The following REPS2 variants were observed in gnomAD, a reference collection of about 807,000 sequenced individuals.
REPS2 encodes ralBP1-associated Eps domain-containing protein 2.
REPS2 carries 23 observed loss-of-function variants against 53.6 expected under a neutral mutation model. That is an observed-to-expected ratio of 0.43 (90% confidence interval 0.31 to 0.61). The LOEUF (loss-of-function observed/expected upper bound fraction) is 0.61. Ranked by LOEUF, REPS2 falls within the 20% of genes least tolerant of loss-of-function variation. The probability of loss-of-function intolerance (pLI) is 0.11; values close to 1 mark genes in which losing one functional copy is unlikely to be tolerated. For synonymous variants in REPS2, 238 were observed against 218.6 expected (o/e 1.09, Z -0.78); for missense variants, 446 against 534.9 (o/e 0.83, Z 1.64).
intron 5 of REPS2, among the ~76,000 whole-genome samples, chrX:17,033,750 A>G (rs2061734154): frequency 8.9e-6 from 1 of 112,168 alleles, no homozygotes; most frequent in South Asian, 3.7e-4. Context: ...GCACACAAAA[A>G]CAATCTTAAA....
Position 17,029,606 on chromosome X carries a change from C to A in REPS2, c.754C>A (p.Gln252Lys). The A allele has an allele frequency of 8.3e-7, 1 of 1,205,597 alleles. No individual in the cohort carries two copies. Among genetic ancestry groups the A allele is most frequent in the Non-Finnish European group, 1.1e-6 (1 of 889,824 alleles). Residue 252 changes from glutamine to lysine, a missense_variant, in exon 5 of 18, where the codon CAG becomes AAG. Physicochemically the swap from Gln to Lys is moderately conservative, Grantham distance 53. Transcript: ENST00000357277. ...GGPGTKPLRHQASLIRSFSVE... is the reference protein window; with the variant it reads ...GGPGTKPLRHKASLIRSFSVE... Reference sequence around the variant, plus strand: ...CCCAGGAACCAAGCCCCTTCGGCATCAGGCTTCCCTTATCCGGGTAAGTGA... The same window carrying A: ...CCCAGGAACCAAGCCCCTTCGGCATAAGGCTTCCCTTATCCGGGTAAGTGA...
At position 17,153,038 on chromosome X, in the gene REPS2, TTAC is replaced by T. The variant is rs1412441262; in HGVS notation, c.*5559_*5561del. The T allele has an allele frequency of 5.2e-4, 59 of 112,912 alleles. No individual in the cohort carries two copies. The highest frequency in any genetic ancestry group is 1.9e-3 in the African/African-American group (58 of 31,060). 9.3% of individuals were successfully genotyped at this position (112,912 alleles called of 1,213,427 possible). A position where few individuals can be genotyped will look rare whatever the true frequency, so the allele number is the denominator to read the frequency against. Reference sequence around the variant, plus strand: ...TGTGCTAACAAGTTGTGTTAATATTTTACTCAGCCAGAGTCTCATTCATTTGCT... The same window carrying T: ...TGTGCTAACAAGTTGTGTTAATATTTTCAGCCAGAGTCTCATTCATTTGCT... On this transcript the variant is annotated 3_prime_UTR_variant, in exon 18 of 18. Coordinates refer to ENST00000357277, the MANE Select transcript of REPS2 (RefSeq NM_004726.3).
chrX:16,994,533 AG>A lies in REPS2; in HGVS notation c.274-11687del, dbSNP rs112103611. Among the ~76,000 whole-genome samples the A allele has an allele frequency of 4.6e-3, 514 of 111,772 alleles. 2 individuals carry two copies. The highest frequency in any genetic ancestry group is 0.016 in the African/African-American group (493 of 30,726). ...TTTGCAACAACGTGGATGGAGTTGGAGACCATTATTCTAAGTGAAGTGACTC... is the reference window on the plus strand; with the variant it reads ...TTTGCAACAACGTGGATGGAGTTGGAACCATTATTCTAAGTGAAGTGACTC... On this transcript the variant is annotated intron_variant, in intron 1 of 17. Transcript: ENST00000357277.
intron 8 of REPS2, among the ~76,000 whole-genome samples, chrX:17,061,490 G>C (rs1291770179): frequency 3.6e-5 from 4 of 112,437 alleles, no homozygotes; most frequent in African/African-American, 1.3e-4. Flanking sequence ...GTCCCTGATG[G>C]GAGTGGGAGG....
chrX:17,172,407 C>T, the REPS2 span, among the ~76,000 whole-genome samples: 1 of 111,482 alleles, frequency 9.0e-6, no homozygotes, highest in African/African-American at 3.3e-5. Context: ...AGCACCTCCC[C>T]CTTCACTCTC....
the REPS2 span, among the ~76,000 whole-genome samples, chrX:17,166,358 A>G: frequency 6.2e-5 from 7 of 112,125 alleles, no homozygotes; most frequent in East Asian, 2.0e-3. Flanking sequence ...CAAGAAGTGC[A>G]GTTGTTTCAT....
At position 17,149,928 on chromosome X, in the gene REPS2, T is replaced by C. The variant is rs1439784321; in HGVS notation, c.*2447T>C. The C allele has an allele frequency of 8.9e-6, 1 of 111,914 alleles. No homozygotes were observed. The highest frequency in any genetic ancestry group is 3.2e-5 in the African/African-American group (1 of 30,780). 9.2% of individuals were successfully genotyped at this position (111,914 alleles called of 1,213,427 possible). A position where few individuals can be genotyped will look rare whatever the true frequency, so the allele number is the denominator to read the frequency against. The stretch of plus-strand genomic sequence containing the variant: ...CTTGCATTGGACAATCAAATTCCCC[T>C]GAGTTTCATAATCTCATCAATATTT... On this transcript the variant is annotated 3_prime_UTR_variant, in exon 18 of 18. Coordinates refer to ENST00000357277, the MANE Select transcript of REPS2 (RefSeq NM_004726.3).
chrX:17,050,141 C>CCTTTCTTCCTTCCTTT (rs2061964303), intron 6 of REPS2, among the ~76,000 whole-genome samples: 1 of 20,383 alleles, frequency 4.9e-5, no homozygotes, highest in East Asian at 7.2e-3. Flanking sequence ...TTCCTTTCTT[C>CCTTTCTTCCTTCCTTT]CTTTCTTTCT....
chrX:16,968,474 A>G (rs2060810432), intron 1 of REPS2, among the ~76,000 whole-genome samples: 1 of 101,134 alleles, frequency 9.9e-6, no homozygotes, highest in Admixed American at 1.0e-4. Flanking sequence ...CGGGGGGCTG[A>G]CACCCCCACC....
rs781359102 is a variant in REPS2, at chrX:17,138,841, T to C, written c.1809-15T>C. 2 of 1,141,441 alleles carry C rather than the reference T, an allele frequency of 1.8e-6. No homozygotes were observed. The highest frequency in any genetic ancestry group is 3.6e-5 in the African/African-American group (2 of 55,713). The allele number at this position is 1,141,441 out of a possible 1,213,427, so 94.1% of individuals were successfully genotyped here. A position where few individuals can be genotyped will look rare whatever the true frequency, so the allele number is the denominator to read the frequency against. ...CTAAGTCCTTTTTCACTGAAGTGTT[T>C]GTGCTTTTCTATAGGCAGTCTTCCA... On this transcript the variant is annotated splice_polypyrimidine_tract_variant and intron_variant, in intron 16 of 17. Transcript: ENST00000357277.
the REPS2 span, among the ~76,000 whole-genome samples, chrX:17,193,929 A>G: frequency 9.0e-6 from 1 of 111,561 alleles, no homozygotes; most frequent in African/African-American, 3.3e-5. Context: ...ATTTCCTCAG[A>G]TCTATTCTGA....
intron 1 of REPS2, among the ~76,000 whole-genome samples, chrX:17,002,160 T>C (rs1285223090): frequency 4.5e-5 from 5 of 111,056 alleles, no homozygotes; most frequent in Non-Finnish European, 9.4e-5. Context: ...TGGTGTGTCA[T>C]GAGGTGTGTC....
chrX:17,053,624 G>C (rs940952161), intron 7 of REPS2, among the ~76,000 whole-genome samples: 2 of 112,195 alleles, frequency 1.8e-5, no homozygotes, highest in Admixed American at 9.5e-5. Context: ...TTACAGGCAT[G>C]AGCCACCATG....
chrX:17,086,167 C>A (rs182345833), intron 13 of REPS2, among the ~76,000 whole-genome samples: 109 of 111,593 alleles, frequency 9.8e-4, no homozygotes, highest in African/African-American at 3.4e-3. Context: ...GTTTGTTCTT[C>A]CATCCCATGT....
At chrX:16,960,502 A>G (rs887308431) in intron 1 of REPS2, among the ~76,000 whole-genome samples, 5 of 112,744 alleles carry the variant, frequency 4.4e-5, no homozygotes, top group Non-Finnish European at 7.5e-5. Flanking sequence ...AACACATTAA[A>G]GACCATTTAT....
intron 6 of REPS2, among the ~76,000 whole-genome samples, chrX:17,049,049 C>T (rs1288432924): frequency 9.0e-6 from 1 of 110,716 alleles, no homozygotes; most frequent in Non-Finnish European, 1.9e-5. Context: ...GTGCATGCCC[C>T]ACACCAGGCT....
At chrX:17,103,635 C>A in intron 13 of REPS2, 83 bp from the exon 14 acceptor site, 1 of 906,934 alleles carries the variant, frequency 1.1e-6, no homozygotes, top group Non-Finnish European at 1.6e-6. Flanking sequence ...AATGCCATTG[C>A]CATTCCAAGT....
At chrX:17,141,354 TTGTG>T (rs1194689073) in intron 17 of REPS2, among the ~76,000 whole-genome samples, 4 of 112,476 alleles carry the variant, frequency 3.6e-5, no homozygotes, top group Non-Finnish European at 7.5e-5. Context: ...ATTTATATTG[TTGTG>T]TGTATCAGTA....
At chrX:17,172,692 G>A in the REPS2 span, among the ~76,000 whole-genome samples, 2 of 111,453 alleles carry the variant, frequency 1.8e-5, no homozygotes, top group Non-Finnish European at 3.8e-5. Flanking sequence ...AAACAATTGA[G>A]AGTTATTTAT....
Sources: gnomAD v4.1 joint callset for allele counts (sites outside exome capture counted in the v4.1 genomes callset) on GRCh38, gnomAD v4.1.1 for gene constraint, MANE v1.5 for transcripts, NCBI Gene and HGNC (gene_info 2026-07-23, HGNC 2026-07-21) for gene names.